Variants in AOPEP observed in about 807,000 individuals in gnomAD.
AOPEP encodes aminopeptidase O (putative), also known as aminopeptidase O.
AOPEP carries 77 observed loss-of-function variants against 98.1 expected under a neutral mutation model. The ratio of observed to expected loss-of-function variants is 0.78; its 90% CI spans 0.65 to 0.95. The LOEUF (loss-of-function observed/expected upper bound fraction) is 0.95, where lower values mean the gene tolerates loss of function less well. Ranked by LOEUF, AOPEP falls within the 40% of genes least tolerant of loss-of-function variation. The pLI is 0.00. For synonymous variants in AOPEP, 346 were observed against 365.3 expected (o/e 0.95, Z 0.60); for missense variants, 1,024 against 1,024.7 (o/e 1.00, Z 0.01).
At chr9:95,027,350 A>G (rs748295155) in intron 13 of AOPEP, among the ~76,000 whole-genome samples, 38 of 152,214 alleles carry the variant, frequency 2.5e-4, no homozygotes, top group Non-Finnish European at 4.4e-4. Flanking sequence ...TCTAGGTTCT[A>G]CCACCAGTCA....
intron 11 of AOPEP, among the ~76,000 whole-genome samples, chr9:94,981,025 A>G (rs1054019123): frequency 7.2e-5 from 11 of 152,228 alleles, no homozygotes; most frequent in African/African-American, 2.2e-4. Context: ...ACTGGCTCCC[A>G]AATTTCCTGG....
chr9:95,067,077 A>T (rs898765374), intron 14 of AOPEP, among the ~76,000 whole-genome samples: 1 of 152,138 alleles, frequency 6.6e-6, no homozygotes, highest in African/African-American at 2.4e-5. Context: ...CTCTCAACAT[A>T]GCTTTCCAGG....
At chr9:94,879,002 T>C (rs2047280958) in intron 5 of AOPEP, among the ~76,000 whole-genome samples, 1 of 152,216 alleles carries the variant, frequency 6.6e-6, no homozygotes, top group East Asian at 1.9e-4. Flanking sequence ...AGAACTCAGC[T>C]GTCTTCTTGT....
In AOPEP at chr9:94,926,038, A is replaced by G. The variant is rs1450167851; in HGVS notation, c.1554+1863A>G. ...TTAATATGAACGTGCCTCTATCACC[A>G]TCTCTTCCCTGGAGTGCCTCCCTTC... is the stretch of plus-strand genomic sequence containing the variant. On this transcript the variant is annotated intron_variant, in intron 6 of 16. Coordinates refer to ENST00000375315, the MANE Select transcript of AOPEP (RefSeq NM_001193329.3). Among the ~76,000 whole-genome samples, 3 of 152,264 alleles carry G rather than the reference A, an allele frequency of 2.0e-5. No homozygotes were observed. In the East Asian group the frequency reaches 5.8e-4, roughly 29 times the overall value.
At chr9:95,145,972 T>C in the AOPEP span, among the ~76,000 whole-genome samples, 70 of 77,394 alleles carry the variant, frequency 9.0e-4, no homozygotes, top group East Asian at 0.019. Context: ...TTCTTTATTT[T>C]TTTTTATTTG....
At chr9:94,899,178 G>GCT in intron 5 of AOPEP, among the ~76,000 whole-genome samples, 1 of 61,646 alleles carries the variant, frequency 1.6e-5, no homozygotes, top group East Asian at 5.9e-4. Context: ...CTCTTCATTT[G>GCT]CTTTTTTTTT....
intron 13 of AOPEP, among the ~76,000 whole-genome samples, chr9:95,010,040 C>G (rs2062376874): frequency 6.6e-6 from 1 of 151,890 alleles, no homozygotes; most frequent in South Asian, 2.1e-4. Context: ...TGACTCTGAA[C>G]CAAAATCAGT....
At chr9:94,895,255 C>CAAAAAAAAAA (rs2049375096) in intron 5 of AOPEP, among the ~76,000 whole-genome samples, 1 of 134,784 alleles carries the variant, frequency 7.4e-6, no homozygotes, top group African/African-American at 2.9e-5. Flanking sequence ...AAAAAAATAG[C>CAAAAAAAAAA]TGGGCATGGT....
At chr9:94,839,024 C>T (rs2041964539) in intron 5 of AOPEP, among the ~76,000 whole-genome samples, 1 of 148,006 alleles carries the variant, frequency 6.8e-6, no homozygotes, top group Non-Finnish European at 1.5e-5. Flanking sequence ...TGTTTTCCTG[C>T]CTCAGCCTCC....
intron 3 of AOPEP, among the ~76,000 whole-genome samples, chr9:94,790,455 C>T (rs573369616): frequency 3.3e-4 from 51 of 152,256 alleles, no homozygotes; most frequent in African/African-American, 1.1e-3. Flanking sequence ...CCACCACTCC[C>T]GGCCTACCTT....
intron 11 of AOPEP, among the ~76,000 whole-genome samples, chr9:94,982,356 C>T (rs965172915): frequency 6.6e-6 from 1 of 152,120 alleles, no homozygotes; most frequent in Non-Finnish European, 1.5e-5. Context: ...ATGTGAAACT[C>T]CTCGCTGCCC....
intron 14 of AOPEP, among the ~76,000 whole-genome samples, chr9:95,074,672 G>A (rs1376731836): frequency 6.6e-6 from 1 of 152,214 alleles, no homozygotes; most frequent in Non-Finnish European, 1.5e-5. Flanking sequence ...TGTGTGTTGT[G>A]CAAAAGTCAA....
At chr9:95,118,619 A>G in the AOPEP span, among the ~76,000 whole-genome samples, 7 of 152,256 alleles carry the variant, frequency 4.6e-5, no homozygotes, top group East Asian at 3.9e-4. Context: ...TTGACAAGAG[A>G]GATTAGTTTT....
intron 14 of AOPEP, among the ~76,000 whole-genome samples, chr9:95,075,663 T>C (rs2068971007): frequency 6.6e-6 from 1 of 152,140 alleles, no homozygotes; most frequent in African/African-American, 2.4e-5. Flanking sequence ...GGAAGATGGC[T>C]TGAGCCCAGG....
At chr9:94,792,982 C>T in intron 4 of AOPEP, 64 bp downstream of exon 4, 2 of 1,492,142 alleles carry the variant, frequency 1.3e-6, no homozygotes, top group African/African-American at 2.8e-5. Flanking sequence ...CGGTATGATG[C>T]ATTTCTTCCA....
At chr9:94,831,774 A>C (rs892632159) in intron 5 of AOPEP, among the ~76,000 whole-genome samples, 42 of 152,086 alleles carry the variant, frequency 2.8e-4, no homozygotes, top group Middle Eastern at 6.8e-3. Context: ...CTTATTCCCA[A>C]GTGCTACAAA....
At chr9:95,005,437 G>C in intron 12 of AOPEP, 105 bp from the exon 13 acceptor site, 1 of 1,193,458 alleles carries the variant, frequency 8.4e-7, no homozygotes, top group African/African-American at 1.5e-5. Flanking sequence ...CCGAGGTGCG[G>C]GGAAGACCAG....
intron 5 of AOPEP, among the ~76,000 whole-genome samples, chr9:94,853,007 T>C (rs1365468038): frequency 6.6e-6 from 1 of 152,272 alleles, no homozygotes; most frequent in African/African-American, 2.4e-5. Flanking sequence ...CGAGTAAATA[T>C]TAGAATTCAT....
the AOPEP span, chr9:95,123,458 G>A: frequency 2.2e-6 from 1 of 461,122 alleles, no homozygotes; most frequent in Non-Finnish European, 4.3e-6. Context: ...CGGGCAACAT[G>A]GTGAAACCCC....
Sources: gnomAD v4.1 joint callset for allele counts (sites outside exome capture counted in the v4.1 genomes callset) on GRCh38, gnomAD v4.1.1 for gene constraint, MANE v1.5 for transcripts, NCBI Gene and HGNC (gene_info 2026-07-23, HGNC 2026-07-21) for gene names.